Variants in IKZF2 observed in about 807,000 individuals in gnomAD.
The protein encoded by IKZF2 is zinc finger protein Helios.
IKZF2 carries 15 observed loss-of-function variants against 49.2 expected under a neutral mutation model. The ratio of observed to expected loss-of-function variants is 0.30; its 90% CI spans 0.20 to 0.47. The LOEUF (loss-of-function observed/expected upper bound fraction) is 0.47. IKZF2 is among the 20% of genes least tolerant of loss of function. The pLI is 1.00. For missense variants in IKZF2, 567 were observed against 664.6 expected, an observed-to-expected ratio of 0.85 and a Z score of 1.61; for synonymous variants, 227 against 221.4, an observed-to-expected ratio of 1.03 and a Z score of -0.23.
chr2:213,079,346 T>C (rs1208808441), intron 4 of IKZF2, among the ~76,000 whole-genome samples: 1 of 149,486 alleles, frequency 6.7e-6, no homozygotes, highest in African/African-American at 2.5e-5. Context: ...GCCACTGTAC[T>C]GAAGCCTAGG....
Position 213,002,355 on chromosome 2 carries a change from A to C in IKZF2, c.*5005T>G, listed in dbSNP as rs570171954. The stretch of plus-strand genomic sequence containing the variant: ...GCAGGTGAAAAATATCCTCAAACTT[A>C]CAGTACAGCAAGATAAAACTAAAAA... On this transcript the variant is annotated 3_prime_UTR_variant, in exon 9 of 9. Transcript: ENST00000434687. 10 of 151,624 alleles carry C rather than the reference A, an allele frequency of 6.6e-5. No homozygotes were observed. The South Asian group carries it at 8.3e-4, about 13-fold the overall frequency. 9.4% of individuals were successfully genotyped at this position (151,624 alleles called of 1,614,324 possible).
intron 4 of IKZF2, among the ~76,000 whole-genome samples, chr2:213,107,637 T>C (rs113327505): frequency 0.014 from 2,197 of 152,278 alleles, 24 homozygotes; most frequent in Middle Eastern, 0.024. Flanking sequence ...TCAGTGAAAA[T>C]TTAGATAATT....
At chr2:213,151,929 G>C (rs1367156659), upstream of IKZF2, among the ~76,000 whole-genome samples, 4 of 151,376 alleles carry the variant, frequency 2.6e-5, no homozygotes, top group Admixed American at 2.6e-4. Context: ...CTCGGCAATC[G>C]ATTACAGGAC....
intron 2 of IKZF2, among the ~76,000 whole-genome samples, chr2:213,148,903 T>A (rs1377914243): frequency 1.3e-5 from 2 of 152,184 alleles, no homozygotes; most frequent in Non-Finnish European, 1.5e-5. Context: ...AATGACTCTC[T>A]TAATCAAAAT....
At chr2:213,129,028 T>C (rs899490174) in intron 4 of IKZF2, among the ~76,000 whole-genome samples, 4 of 151,902 alleles carry the variant, frequency 2.6e-5, no homozygotes, top group Admixed American at 6.6e-5. Context: ...GTTTCTAAAA[T>C]AGAGGGTTTA....
chr2:213,142,479 T>C (rs934164423), intron 4 of IKZF2, among the ~76,000 whole-genome samples: 9 of 152,028 alleles, frequency 5.9e-5, no homozygotes, highest in African/African-American at 2.2e-4. Flanking sequence ...TTGACTGCTC[T>C]GAGTAATAGC....
chr2:213,130,668 A>G (rs2060445762), intron 4 of IKZF2, among the ~76,000 whole-genome samples: 1 of 152,208 alleles, frequency 6.6e-6, no homozygotes, highest in South Asian at 2.1e-4. Flanking sequence ...ATATGACTTG[A>G]TTATCATTAA....
chr2:213,034,689 A>T (rs1057084415), intron 6 of IKZF2, among the ~76,000 whole-genome samples: 9 of 152,182 alleles, frequency 5.9e-5, no homozygotes, highest in African/African-American at 2.2e-4. Context: ...AACAAGAAAG[A>T]TCACAGATCA....
At chr2:213,008,146 C>A in intron 8 of IKZF2, 62 bp from the exon 9 acceptor site, 2 of 1,468,602 alleles carry the variant, frequency 1.4e-6, no homozygotes, top group Non-Finnish European at 9.0e-7. Flanking sequence ...ACATTAGTAT[C>A]AGATTAAAAA....
At chr2:213,140,814 C>T (rs931316097) in intron 4 of IKZF2, among the ~76,000 whole-genome samples, 3 of 151,808 alleles carry the variant, frequency 2.0e-5, no homozygotes, top group African/African-American at 7.3e-5. Context: ...GAAATAAGGC[C>T]ACTGATCAAA....
chr2:213,131,795 C>G (rs1277492520), intron 4 of IKZF2, among the ~76,000 whole-genome samples: 2 of 152,136 alleles, frequency 1.3e-5, no homozygotes, highest in Admixed American at 1.3e-4. Flanking sequence ...ACACAGATAG[C>G]ATAACTGAAG....
rs1422498557 is a variant in IKZF2 at position 213,042,248 on chromosome 2, A to T, written c.574+7465T>A. ...AGGGTGTGATGAGCACAAATTGTGG[A>T]GTTTGCTGCCTTAGTTTAAATCCAG... On this transcript the variant is annotated intron_variant, in intron 6 of 8. Transcript: ENST00000434687. 1.3e-4 allele frequency among the ~76,000 whole-genome samples: 19 copies of T among 151,996 alleles called. 1 individual carries two copies. The highest frequency in any genetic ancestry group is 1.5e-5 in the Non-Finnish European group (1 of 68,004).
chr2:213,124,248 GCGCGCACA>G (rs2060165322), intron 4 of IKZF2, among the ~76,000 whole-genome samples: 1 of 115,494 alleles, frequency 8.7e-6, no homozygotes, highest in South Asian at 3.4e-4. Context: ...GCTCGCGCGC[GCGCGCACA>G]CACACACACA....
At chr2:213,077,824 G>A (rs541597187) in intron 4 of IKZF2, among the ~76,000 whole-genome samples, 119 of 152,026 alleles carry the variant, frequency 7.8e-4, no homozygotes, top group Non-Finnish European at 1.5e-3. Flanking sequence ...TCCTGACCTC[G>A]TGATCCACCC....
Position 213,022,025 on chromosome 2 carries a change from A to C in IKZF2, c.680T>G (p.Met227Arg). The C allele has an allele frequency of 6.2e-7, 1 of 1,613,852 alleles. No individual in the cohort carries two copies. The highest frequency in any genetic ancestry group is 8.5e-7 in the Non-Finnish European group (1 of 1,179,808). Residue 227 changes from methionine to arginine, a missense_variant, in exon 7 of 9, where the codon ATG becomes AGG. By Grantham distance (91) the Met-to-Arg change is moderately conservative. Transcript: ENST00000434687. The part of the protein sequence containing the change: ...RCHNYLQNVS[M>R]EAAGQVMSHH... ...ACTCATGACCTGCCCAGCAGCCTCCATGCTGACATTCTGGAGATAGTTGTG... is the reference window on the plus strand; with the variant it reads ...ACTCATGACCTGCCCAGCAGCCTCCCTGCTGACATTCTGGAGATAGTTGTG...
intron 4 of IKZF2, among the ~76,000 whole-genome samples, chr2:213,064,338 T>C (rs189772228): frequency 5.3e-5 from 8 of 152,054 alleles, no homozygotes; most frequent in African/African-American, 1.7e-4. Context: ...CACCTGTGAG[T>C]TGGTAATGTA....
rs772063758 is a variant in IKZF2 at position 213,007,571 on chromosome 2, A to T, written c.1370T>A (p.Ile457Asn). Reference sequence around the variant, plus strand: ...TCCTTCTCCATTGAAGACCTTGTAGATGTCCTTCAGAGAGCCCTTAGGAGC... The same window carrying T: ...TCCTTCTCCATTGAAGACCTTGTAGTTGTCCTTCAGAGAGCCCTTAGGAGC... Reference protein sequence around the residue: ...TKAPKGSLKDIYKVFNGEGEQ... With the variant: ...TKAPKGSLKDNYKVFNGEGEQ... Residue 457 changes from isoleucine (I) to asparagine (N), a missense_variant, in exon 9 of 9, where the codon ATC becomes AAC. By Grantham distance (149) the Ile-to-Asn change is moderately radical. Transcript: ENST00000434687. 3 of 1,613,706 alleles carry T rather than the reference A, an allele frequency of 1.9e-6. No homozygotes were observed. The South Asian group carries it at 3.3e-5, about 18-fold the overall frequency.
At chr2:213,013,148 G>T (rs1008142802) in intron 8 of IKZF2, among the ~76,000 whole-genome samples, 1 of 151,782 alleles carries the variant, frequency 6.6e-6, no homozygotes, top group African/African-American at 2.4e-5. Context: ...ATTAAAATAT[G>T]AAATAAAGAT....
At chr2:213,106,874 C>A (rs1006814609) in intron 4 of IKZF2, among the ~76,000 whole-genome samples, 2 of 151,708 alleles carry the variant, frequency 1.3e-5, no homozygotes, top group African/African-American at 4.8e-5. Context: ...AGCAAAGGTA[C>A]CAAAAAGTAT....
Sources: gnomAD v4.1 joint callset for allele counts (sites outside exome capture counted in the v4.1 genomes callset) on GRCh38, gnomAD v4.1.1 for gene constraint, MANE v1.5 for transcripts, NCBI Gene and HGNC (gene_info 2026-07-23, HGNC 2026-07-21) for gene names.